The following P2RX5 variants were observed in gnomAD, a reference collection of about 807,000 sequenced individuals.
P2RX5 encodes P2X purinoceptor 5.
P2RX5 carries 46 observed loss-of-function variants against 54.1 expected under a neutral mutation model. That is an observed-to-expected ratio of 0.85 (90% CI 0.67 to 1.09). The LOEUF (loss-of-function observed/expected upper bound fraction) is 1.09, where lower values mean the gene tolerates loss of function less well. Ranked by LOEUF, P2RX5 falls within the 50% of genes least tolerant of loss-of-function variation. The pLI is 0.00. For synonymous variants in P2RX5, 226 were observed against 226.4 expected (o/e 1.00, Z 0.02); for missense variants, 566 against 549.8 (o/e 1.03, Z -0.29).
At chr17:3,713,338 C>T in the P2RX5 span, among the ~76,000 whole-genome samples, 430 of 152,224 alleles carry the variant, frequency 2.8e-3, 4 homozygotes, top group African/African-American at 9.7e-3. Flanking sequence ...CCAGCCTGGG[C>T]AACACAGTGA....
chr17:3,707,061 T>C, the P2RX5 span, among the ~76,000 whole-genome samples: 1 of 152,200 alleles, frequency 6.6e-6, no homozygotes, highest in African/African-American at 2.4e-5. Context: ...TACAAACATC[T>C]CTATATAAAT....
At chr17:3,716,803 A>T in the P2RX5 span, 1 of 1,500,648 alleles carries the variant, frequency 6.7e-7, no homozygotes, top group Non-Finnish European at 9.3e-7. Flanking sequence ...AGTGATCTAG[A>T]CAAGACAAAG....
chr17:3,673,610 A>C lies in P2RX5; in HGVS notation c.*258T>G, dbSNP rs1383472980. 1.4e-6 allele frequency: 2 copies of C among 1,417,334 alleles called. No individual in the cohort carries two copies. The allele number at this position is 1,417,334 out of a possible 1,614,324, so 87.8% of individuals were successfully genotyped here. On this transcript the variant is annotated 3_prime_UTR_variant, in exon 12 of 12. Coordinates refer to ENST00000225328, the MANE Select transcript of P2RX5 (RefSeq NM_002561.4). ...TTACAACCCGTTCCCTAGTGCGGGA[A>C]GCCAGCCACGGAGAAAGGAAGAACT...
At chr17:3,680,190 T>C (rs1597699546) in intron 10 of P2RX5, among the ~76,000 whole-genome samples, 1 of 123,542 alleles carries the variant, frequency 8.1e-6, no homozygotes, top group Non-Finnish European at 1.7e-5. Flanking sequence ...CCACCCTGCG[T>C]CCTCCACCCT....
At chr17:3,694,138 A>C (rs1044398540) in intron 1 of P2RX5, among the ~76,000 whole-genome samples, 2 of 150,038 alleles carry the variant, frequency 1.3e-5, no homozygotes, top group African/African-American at 4.9e-5. Flanking sequence ...CCCACACGGC[A>C]GGATAGTATC....
chr17:3,699,076 C>T (rs2050798285), upstream of P2RX5, among the ~76,000 whole-genome samples: 2 of 108,926 alleles, frequency 1.8e-5, no homozygotes, highest in Admixed American at 2.3e-4. Flanking sequence ...CACACACACA[C>T]ACACACACAC....
chr17:3,680,975 A>G (rs367784505), intron 10 of P2RX5, among the ~76,000 whole-genome samples: 33 of 90,962 alleles, frequency 3.6e-4, no homozygotes, highest in East Asian at 1.8e-3. Context: ...TCCACCCTGC[A>G]TCCTCCACCC....
At chr17:3,720,802 C>G in the P2RX5 span, among the ~76,000 whole-genome samples, 4 of 152,004 alleles carry the variant, frequency 2.6e-5, no homozygotes, top group Admixed American at 1.3e-4. Context: ...AGGCTTGTCT[C>G]GAACTCCTGA....
At chr17:3,701,047 G>A (rs1376588412), upstream of P2RX5, among the ~76,000 whole-genome samples, 1 of 152,134 alleles carries the variant, frequency 6.6e-6, no homozygotes, top group Admixed American at 6.6e-5. Context: ...CCTGTAATGA[G>A]TATAATCCCT....
At chr17:3,682,314 G>A in intron 9 of P2RX5, 4 of 384,508 alleles carry the variant, frequency 1.0e-5, no homozygotes, top group Non-Finnish European at 2.0e-5. Flanking sequence ...AGAGGATCTG[G>A]ACAAGAGAGA....
chr17:3,696,657 C>G (rs2050764915), upstream of P2RX5, among the ~76,000 whole-genome samples: 1 of 152,100 alleles, frequency 6.6e-6, no homozygotes, highest in South Asian at 2.1e-4. Context: ...CCAGGCTGGT[C>G]TTGAACTCCT....
the P2RX5 span, among the ~76,000 whole-genome samples, chr17:3,708,072 A>C: frequency 7.9e-5 from 12 of 151,476 alleles, no homozygotes; most frequent in African/African-American, 2.7e-4. Context: ...AAAAAAAAAA[A>C]AAAAAAAACA....
chr17:3,689,600 AGATCTGTCCTT>A lies in P2RX5; in HGVS notation c.634_644del (p.Lys212PhefsTer43), dbSNP rs755799380. ...GGCCAAAGTGGCATGATTTCAGGAA[AGATCTGTCCTT>A]GACGTCCATCACATTGCTTCTGGGT... On this transcript the variant is annotated frameshift_variant, in exon 7 of 12. Transcript: ENST00000225328. LOFTEE classifies it high-confidence loss of function. 8.7e-6 allele frequency: 14 copies of A among 1,614,198 alleles called. No homozygotes were observed. The highest frequency in any genetic ancestry group is 1.2e-5 in the Non-Finnish European group (14 of 1,180,032).
At chr17:3,676,079 G>T (rs147464446) in intron 11 of P2RX5, 8 of 985,298 alleles carry the variant, frequency 8.1e-6, no homozygotes, top group Non-Finnish European at 9.6e-6. Flanking sequence ...CCAGGGAGCC[G>T]CCCAGACAGC....
chr17:3,704,196 C>T, the P2RX5 span, among the ~76,000 whole-genome samples: 1 of 152,174 alleles, frequency 6.6e-6, no homozygotes, highest in Non-Finnish European at 1.5e-5. Flanking sequence ...ATGTTACTTC[C>T]TTATGGTGAA....
the P2RX5 span, among the ~76,000 whole-genome samples, chr17:3,716,133 C>T: frequency 4.0e-5 from 6 of 151,384 alleles, no homozygotes; most frequent in African/African-American, 4.9e-5. Context: ...ATCGCACCAC[C>T]GCACTCAAGC....
chr17:3,682,283 A>C (rs2050306253), intron 9 of P2RX5: 1 of 424,766 alleles, frequency 2.4e-6, no homozygotes, highest in Non-Finnish European at 4.4e-6. Flanking sequence ...AGCACGTGCC[A>C]GTGTCTGCAC....
intron 6 of P2RX5, 125 bp downstream of exon 6, chr17:3,689,945 A>AACACACGCACACACGTGC: frequency 1.1e-6 from 1 of 926,676 alleles, no homozygotes; most frequent in East Asian, 2.4e-5. Context: ...CACACACGCG[A>AACACACGCACACACGTGC]ACACACGCAC....
In P2RX5 at chr17:3,690,525, T is replaced by C. The variant is rs1488006289; in HGVS notation, c.437-2A>G. ...GCAGGCAGCGGCCGGTCTTCACTCC[T>C]GCAGGGGTGGGACAGGATCAATGCC... is the stretch of plus-strand genomic sequence containing the variant. On this transcript the variant is annotated splice_acceptor_variant, in intron 4 of 11. Transcript: ENST00000225328. LOFTEE classifies it high-confidence loss of function. 1.2e-6 allele frequency: 2 copies of C among 1,613,390 alleles called. No individual in the cohort carries two copies. Among genetic ancestry groups the C allele is most frequent in the East Asian group, 4.5e-5 (2 of 44,896 alleles).
Sources: gnomAD v4.1 joint callset for allele counts (sites outside exome capture counted in the v4.1 genomes callset) on GRCh38, gnomAD v4.1.1 for gene constraint, MANE v1.5 for transcripts, NCBI Gene and HGNC (gene_info 2026-07-23, HGNC 2026-07-21) for gene names.